Variants in MAP3K13 observed in about 807,000 individuals in gnomAD.
MAP3K13 encodes mitogen-activated protein kinase kinase kinase 13.
A neutral mutation model predicts 104.0 loss-of-function variants in MAP3K13; 52 were observed. The observed-to-expected ratio is 0.50, with a 90% CI of 0.40 to 0.63. The LOEUF (loss-of-function observed/expected upper bound fraction) is 0.63. Ranked by LOEUF, MAP3K13 falls within the 20% of genes least tolerant of loss-of-function variation. The pLI, the probability that MAP3K13 is intolerant of heterozygous loss-of-function variation, is 0.00. For synonymous variants in MAP3K13, 394 were observed against 442.2 expected (o/e 0.89, Z 1.37); for missense variants, 914 against 1,218.5 (o/e 0.75, Z 3.72).
intron 2 of MAP3K13, among the ~76,000 whole-genome samples, chr3:185,321,229 C>T (rs1409484936): frequency 6.6e-6 from 1 of 152,102 alleles, no homozygotes; most frequent in Non-Finnish European, 1.5e-5. Context: ...TGCGTGCACA[C>T]ACATATACAC....
chr3:185,372,652 T>TA (rs1724215697), intron 1 of MAP3K13, among the ~76,000 whole-genome samples: 1 of 152,216 alleles, frequency 6.6e-6, no homozygotes, highest in Non-Finnish European at 1.5e-5. Context: ...AGACCTTTGA[T>TA]ACCAGATTTT....
chr3:185,381,127 T>G (rs191635957), intron 1 of MAP3K13, among the ~76,000 whole-genome samples: 285 of 152,164 alleles, frequency 1.9e-3, no homozygotes, highest in African/African-American at 6.5e-3. Context: ...CACGCCCGGC[T>G]AATTTTTCTA....
At chr3:185,468,431 T>C (rs536448224) in intron 10 of MAP3K13, among the ~76,000 whole-genome samples, 1 of 152,232 alleles carries the variant, frequency 6.6e-6, no homozygotes, top group Non-Finnish European at 1.5e-5. Context: ...TAGTTTAATC[T>C]TGGAATTCTC....
rs538887074 is a variant in MAP3K13, at chr3:185,321,842, G to A, written c.-86+36199G>A. ...TTGTTTGGAACTCTTGACCTCAGGT[G>A]ATCTGTCCACCTCAGCCTCCCAAAG... On this transcript the variant is annotated intron_variant, in intron 2 of 14. Coordinates refer to the MAP3K13 transcript ENST00000424227. 7.9e-5 allele frequency among the ~76,000 whole-genome samples: 12 copies of A among 152,280 alleles called. No homozygotes were observed. The East Asian group carries it at 2.1e-3, about 27-fold the overall frequency.
intron 2 of MAP3K13, among the ~76,000 whole-genome samples, chr3:185,342,592 T>C (rs889386024): frequency 6.6e-6 from 1 of 152,224 alleles, no homozygotes; most frequent in African/African-American, 2.4e-5. Flanking sequence ...CCAGGCAAGA[T>C]GTTTGTTATG....
intron 2 of MAP3K13, among the ~76,000 whole-genome samples, chr3:185,300,920 T>C (rs1721083115): frequency 6.6e-6 from 1 of 152,228 alleles, no homozygotes; most frequent in Admixed American, 6.5e-5. Flanking sequence ...AGCGTGTGAA[T>C]ATCTCTTTGA....
At chr3:185,327,830 T>C (rs914614068) in intron 2 of MAP3K13, among the ~76,000 whole-genome samples, 2 of 151,938 alleles carry the variant, frequency 1.3e-5, no homozygotes, top group East Asian at 3.9e-4. Context: ...GAGAATCCTT[T>C]GAACCTGGGA....
At chr3:185,417,910 C>G in intron 1 of MAP3K13, 1 of 1,604,482 alleles carries the variant, frequency 6.2e-7, no homozygotes, top group Non-Finnish European at 8.5e-7. Context: ...CAAGATTCTG[C>G]TAAGATCTGT....
chr3:185,466,888 T>C lies in MAP3K13; in HGVS notation c.1568T>C (p.Ile523Thr), dbSNP rs770759098. Residue 523 changes from isoleucine (I) to threonine (T), a missense_variant, in exon 10 of 14, where the codon ATC becomes ACC. By Grantham distance (89) the Ile-to-Thr change is moderately conservative. Coordinates refer to ENST00000265026, the MANE Select transcript of MAP3K13 (RefSeq NM_004721.5). ...TACAAACGACACCCTGTTCGTCCTA[T>C]CATCCATCCCAATGCCATGGAGAAA... ...GTYKRHPVRP[I>T]IHPNAMEKLM... 6.2e-7 allele frequency: 1 copy of C among 1,613,984 alleles called. No homozygotes were observed. The highest frequency in any genetic ancestry group is 1.7e-5 in the Admixed American group (1 of 60,014).
In MAP3K13 at chr3:185,450,759, AC is replaced by A. The variant is rs1466260652; in HGVS notation, c.1170-524del. Among the ~76,000 whole-genome samples, 2 of 151,632 alleles carry A rather than the reference AC, an allele frequency of 1.3e-5. No homozygotes were observed. Among genetic ancestry groups the A allele is most frequent in the Non-Finnish European group, 2.9e-5 (2 of 67,922 alleles). Reference sequence around the variant, plus strand: ...AGATCAGCTTAGGCAACATAGTGAGACCCCGTCTCTGAAAAAAAAATAAAAA... The same window carrying A: ...AGATCAGCTTAGGCAACATAGTGAGACCCGTCTCTGAAAAAAAAATAAAAA... On this transcript the variant is annotated intron_variant, in intron 6 of 13. Coordinates refer to ENST00000265026, the MANE Select transcript of MAP3K13 (RefSeq NM_004721.5). This position sits in a 1 kb window ranked among gnomAD's most constrained non-coding sequence, Gnocchi z 4.2.
At chr3:185,321,198 A>G (rs1213305599) in intron 2 of MAP3K13, among the ~76,000 whole-genome samples, 2 of 149,928 alleles carry the variant, frequency 1.3e-5, no homozygotes, top group East Asian at 3.9e-4. Context: ...TGTGTATATT[A>G]TATATGCATG....
In MAP3K13 at chr3:185,437,586, C is replaced by A; in HGVS notation, c.615C>A (p.Ile205=). The change falls in exon 3 of 14, where the codon ATC becomes ATA. Residue 205 remains isoleucine (I), a synonymous_variant. Transcript: ENST00000265026. ...TGAGAGAACAGAATGAGACGGATAT[C>A]AAGCATTTGAGGAAGTTGAAGCACC... ...KKVREQNETD[I]KHLRKLKHPN... 6.2e-7 allele frequency: 1 copy of A among 1,612,458 alleles called. No individual in the cohort carries two copies. The highest frequency in any genetic ancestry group is 8.5e-7 in the Non-Finnish European group (1 of 1,179,712).
intron 1 of MAP3K13, among the ~76,000 whole-genome samples, chr3:185,383,914 T>A (rs895020961): frequency 2.6e-5 from 4 of 152,204 alleles, no homozygotes; most frequent in Non-Finnish European, 5.9e-5. Context: ...ATTTAGGATG[T>A]CCATCATTGA....
At chr3:185,442,823 G>A (rs745860825) in intron 3 of MAP3K13, among the ~76,000 whole-genome samples, 17 of 151,382 alleles carry the variant, frequency 1.1e-4, no homozygotes, top group Non-Finnish European at 2.5e-4. Flanking sequence ...GTGAGCCACC[G>A]CGGCCTGGCC....
chr3:185,352,913 A>G (rs1376395406), intron 2 of MAP3K13, among the ~76,000 whole-genome samples: 2 of 152,232 alleles, frequency 1.3e-5, no homozygotes, highest in Non-Finnish European at 2.9e-5. Context: ...AAATTGATTG[A>G]TTCAGGGCAG....
chr3:185,367,335 A>G (rs757573001), intron 1 of MAP3K13, among the ~76,000 whole-genome samples: 1 of 152,202 alleles, frequency 6.6e-6, no homozygotes, highest in Non-Finnish European at 1.5e-5. Flanking sequence ...GCTGAGTCTA[A>G]TGTGCAGCCG....
intron 2 of MAP3K13, among the ~76,000 whole-genome samples, chr3:185,357,109 TTCTC>T (rs1389899870): frequency 4.6e-5 from 7 of 150,770 alleles, no homozygotes; most frequent in Non-Finnish European, 8.9e-5. Context: ...TTTTTTTTTT[TTCTC>T]TCTCTCTCTC....
intron 1 of MAP3K13, among the ~76,000 whole-genome samples, chr3:185,414,351 G>A (rs1713622539): frequency 6.6e-6 from 1 of 152,150 alleles, no homozygotes; most frequent in Admixed American, 6.5e-5. Flanking sequence ...ATTATATCAG[G>A]TTCTGCACTA....
Position 185,473,019 on chromosome 3 carries a change from C to T in MAP3K13, c.1688C>T (p.Ala563Val). ...RSEGIPTTEVAPTASPLSGSP... is the reference protein window; with the variant it reads ...RSEGIPTTEVVPTASPLSGSP... Reference sequence around the variant, plus strand: ...GAAGGGATCCCCACCACAGAAGTGGCTCCCACTGCATCCCCTTTGTCCGGA... The same window carrying T: ...GAAGGGATCCCCACCACAGAAGTGGTTCCCACTGCATCCCCTTTGTCCGGA... Residue 563 changes from alanine to valine, a missense_variant, in exon 11 of 14, where the codon GCT becomes GTT. Transcript: ENST00000265026. The surrounding 1 kb of genome is among the most constrained non-coding windows in gnomAD (Gnocchi z 4.9). 6.2e-7 allele frequency: 1 copy of T among 1,614,202 alleles called. No homozygotes were observed. The highest frequency in any genetic ancestry group is 8.5e-7 in the Non-Finnish European group (1 of 1,180,038).
Sources: allele counts gnomAD v4.1 joint callset (sites outside exome capture counted in the v4.1 genomes callset), GRCh38; gene constraint gnomAD v4.1.1; non-coding constraint Gnocchi (gnomAD v3.1); transcripts MANE v1.5; gene names NCBI Gene and HGNC (gene_info 2026-07-23, HGNC 2026-07-21).